Variants in LRRK2 observed in about 807,000 individuals in gnomAD.
LRRK2 encodes leucine-rich repeat serine/threonine-protein kinase 2.
A neutral mutation model predicts 302.6 loss-of-function variants in LRRK2; 203 were observed. The observed-to-expected ratio is 0.67, with a 90% CI of 0.60 to 0.75. The LOEUF is 0.75. Ranked by LOEUF, LRRK2 falls within the 30% of genes least tolerant of loss-of-function variation. The probability of loss-of-function intolerance (pLI) is 0.00; values close to 1 mark genes in which losing one functional copy is unlikely to be tolerated. For missense variants in LRRK2, 2,830 were observed against 2,951.0 expected, an observed-to-expected ratio of 0.96 and a Z score of 0.95; for synonymous variants, 1,066 against 1,031.9, an observed-to-expected ratio of 1.03 and a Z score of -0.63.
Position 40,304,049 on chromosome 12 carries a change from A to C in LRRK2, c.3692A>C (p.Gln1231Pro). Residue 1231 changes from glutamine (Q) to proline (P), a missense_variant, in exon 27 of 51, where the codon CAG (glutamine) becomes CCG (proline). By Grantham distance (76) the Gln-to-Pro change is moderately conservative. Coordinates refer to ENST00000298910, the MANE Select transcript of LRRK2 (RefSeq NM_198578.4). ...NLRELLFSHNQISILDLSEKA... is the reference protein window; with the variant it reads ...NLRELLFSHNPISILDLSEKA... ...AGGGAACTCTTATTTAGCCATAATC[A>C]GATCAGCATCTTGGACTTGAGTGAA... 6.2e-7 allele frequency: 1 copy of C among 1,613,748 alleles called. No homozygotes were observed. The highest frequency in any genetic ancestry group is 8.5e-7 in the Non-Finnish European group (1 of 1,179,730).
chr12:40,295,765 C>G, intron 23 of LRRK2, 121 bp downstream of exon 23: 1 of 907,412 alleles, frequency 1.1e-6, no homozygotes, highest in East Asian at 2.6e-5. Context: ...GGTGATAAGT[C>G]CCCCGTGCCT....
At position 40,367,802 on chromosome 12, in the gene LRRK2, T is replaced by C. The variant is rs1946925353; in HGVS notation, c.*37T>C. On this transcript the variant is annotated 3_prime_UTR_variant, in exon 51 of 51. Transcript: ENST00000298910. ...GAATTGTCTTTGGATAGGAAAATTA[T>C]TCTCTCCTCTTGTAAATATTTATTT... 2.5e-6 allele frequency: 4 copies of C among 1,580,902 alleles called. No individual in the cohort carries two copies. Among genetic ancestry groups the C allele is most frequent in the Non-Finnish European group, 3.5e-6 (4 of 1,159,388 alleles).
rs756089224 is a variant in LRRK2, at chr12:40,320,067, CA to C, written c.4915del (p.Arg1639GlyfsTer15). ...ISRRDVEKFL[S>X]KKRKFPKNYM... ...CGTAGAGATGTGGAAAAATTTCTTTCAAAAAAAAGGAAATTTCCAAAGAACT... is the reference window on the plus strand; with the variant it reads ...CGTAGAGATGTGGAAAAATTTCTTTCAAAAAAAGGAAATTTCCAAAGAACT... On this transcript the variant is annotated frameshift_variant, in exon 34 of 51. Transcript: ENST00000298910. LOFTEE classifies it high-confidence loss of function. The C allele has an allele frequency of 8.1e-6, 13 of 1,609,122 alleles. No homozygotes were observed. The South Asian group carries it at 1.3e-4, about 16-fold the overall frequency.
chr12:40,260,171 T>C (rs1942706573), intron 13 of LRRK2, among the ~76,000 whole-genome samples: 1 of 152,078 alleles, frequency 6.6e-6, no homozygotes. Flanking sequence ...TATTAAGTGC[T>C]TCTTATGTTC....
intron 19 of LRRK2, chr12:40,286,339 T>C (rs1943925509): frequency 6.6e-6 from 1 of 151,984 alleles, no homozygotes; most frequent in South Asian, 2.1e-4. Flanking sequence ...CATATTACTC[T>C]GGAAAAAGGA....
At chr12:40,306,029 C>T in intron 28 of LRRK2, 63 bp downstream of exon 28, 2 of 1,232,748 alleles carry the variant, frequency 1.6e-6, no homozygotes, top group South Asian at 2.6e-5. Context: ...CTCTCTGTGA[C>T]TTTGATGGAC....
In LRRK2 at chr12:40,364,842, G is replaced by C. The variant is rs200495404; in HGVS notation, c.7182G>C (p.Arg2394Ser). ...ATTAATGTATACTTTATGGTTCTAGGGAGGTAATGGTAAAAGAAAACAAGG... is the reference window on the plus strand; with the variant it reads ...ATTAATGTATACTTTATGGTTCTAGCGAGGTAATGGTAAAAGAAAACAAGG... ...CGLIDCVHFL[R>S]EVMVKENKES... Residue 2394 changes from arginine to serine, a missense_variant and splice_region_variant, in exon 49 of 51, where the codon AGG becomes AGC. Transcript: ENST00000298910. 1.2e-6 allele frequency: 2 copies of C among 1,603,648 alleles called. No individual in the cohort carries two copies. The highest frequency in any genetic ancestry group is 8.5e-7 in the Non-Finnish European group (1 of 1,171,508).
intron 23 of LRRK2, 126 bp downstream of exon 23, chr12:40,295,770 G>C: frequency 1.1e-6 from 1 of 876,340 alleles, no homozygotes; most frequent in Non-Finnish European, 1.8e-6. Context: ...TAAGTCCCCC[G>C]TGCCTCTGGT....
At chr12:40,317,184 AGTAAAAATTAAG>A (rs1350204573) in intron 33 of LRRK2, among the ~76,000 whole-genome samples, 1 of 152,080 alleles carries the variant, frequency 6.6e-6, no homozygotes, top group Non-Finnish European at 1.5e-5. Flanking sequence ...TGATAATTTA[AGTAAAAATTAAG>A]TTAATTTGAG....
intron 34 of LRRK2, among the ~76,000 whole-genome samples, chr12:40,320,663 T>TG (rs1483373604): frequency 2.0e-5 from 3 of 152,104 alleles, no homozygotes; most frequent in Admixed American, 2.0e-4. Context: ...GATGTTGAAA[T>TG]GTGCAAATTA....
Position 40,315,236 on chromosome 12 carries a change from C to T in LRRK2, c.4763C>T (p.Pro1588Leu), listed in dbSNP as rs201453887. The T allele has an allele frequency of 6.2e-7, 1 of 1,612,494 alleles. No homozygotes were observed. The highest frequency in any genetic ancestry group is 8.5e-7 in the Non-Finnish European group (1 of 1,178,804). ...ESGVLLHFQD[P>L]ALQLSDLYFV... ...GGAGTCCTTCTTCATTTTCAAGACCCAGCACTGCAGTTAAGTGACTTGTAC... is the reference window on the plus strand; with the variant it reads ...GGAGTCCTTCTTCATTTTCAAGACCTAGCACTGCAGTTAAGTGACTTGTAC... Residue 1588 changes from proline to leucine, a missense_variant, in exon 33 of 51, where the codon CCA becomes CTA. By Grantham distance (98) the Pro-to-Leu change is moderately conservative (BLOSUM62 -3). Around this residue, in one of 3 missense-constraint regions of LRRK2, gnomAD observed 2,121 missense variants for 2,148.0 expected, o/e 0.99. Transcript: ENST00000298910.
rs1223498710 is a variant in LRRK2 at position 40,314,067 on chromosome 12, A to G, written c.4632A>G (p.Glu1544=). The change falls in exon 32 of 51, where the codon GAA becomes GAG. Residue 1544 remains glutamate (E), a synonymous_variant. Transcript: ENST00000298910. ...ILSERKNVPI[E]FPVIDRKRLL... Reference sequence around the variant, plus strand: ...CGGAGCGTAAAAATGTGCCAATTGAATTTCCCGTAATTGACCGGAAACGAT... The same window carrying G: ...CGGAGCGTAAAAATGTGCCAATTGAGTTTCCCGTAATTGACCGGAAACGAT... 6.2e-7 allele frequency: 1 copy of G among 1,612,712 alleles called. No individual in the cohort carries two copies. Among genetic ancestry groups the G allele is most frequent in the South Asian group, 1.1e-5 (1 of 91,058 alleles).
At chr12:40,348,795 GA>G (rs1007685496) in intron 43 of LRRK2, among the ~76,000 whole-genome samples, 62 of 151,772 alleles carry the variant, frequency 4.1e-4, no homozygotes, top group Non-Finnish European at 2.9e-4. Context: ...AATCAAATCA[GA>G]AAAAAATTTT....
At chr12:40,361,448 A>T (rs1946702754) in intron 47 of LRRK2, among the ~76,000 whole-genome samples, 8 of 152,092 alleles carry the variant, frequency 5.3e-5, no homozygotes, top group Admixed American at 6.6e-5. Context: ...TGAACTCACA[A>T]CCCAGAAAGT....
chr12:40,237,957 T>C lies in LRRK2; in HGVS notation c.437-12T>C. On this transcript the variant is annotated splice_polypyrimidine_tract_variant and intron_variant, in intron 4 of 50. Coordinates refer to ENST00000298910, the MANE Select transcript of LRRK2 (RefSeq NM_198578.4). The stretch of plus-strand genomic sequence containing the variant: ...GCTCTTTACTCAGAGCATATTATTC[T>C]CTTTAAAATAGGTAAAATCACCTTG... 3 of 1,607,936 alleles carry C rather than the reference T, an allele frequency of 1.9e-6. No homozygotes were observed. Among genetic ancestry groups the C allele is most frequent in the Non-Finnish European group, 2.6e-6 (3 of 1,176,236 alleles).
At chr12:40,247,527 A>C (rs2708442) in intron 7 of LRRK2, among the ~76,000 whole-genome samples, 6 of 9,826 alleles carry the variant, frequency 6.1e-4, no homozygotes, top group Non-Finnish European at 9.0e-4. Flanking sequence ...TATACATACA[A>C]ATGTATATAA....
chr12:40,230,901 T>C (rs1941148040), intron 2 of LRRK2, among the ~76,000 whole-genome samples: 1 of 152,154 alleles, frequency 6.6e-6, no homozygotes, highest in African/African-American at 2.4e-5. Flanking sequence ...GCATCTATAA[T>C]TTCATATTTT....
rs1945221890 is a variant in LRRK2, at chr12:40,316,375, T to C, written c.4827+1075T>C. 3.1e-6 allele frequency: 3 copies of C among 980,448 alleles called. 1 individual carries two copies. The highest frequency in any genetic ancestry group is 9.4e-5 in the South Asian group (2 of 21,172). 60.7% of individuals were successfully genotyped at this position (980,448 alleles called of 1,614,324 possible). ...ATTGAAACATTGCAATCAGCAATTA[T>C]TTGCAGTGTGTCAGTTATTACTATT... On this transcript the variant is annotated intron_variant, in intron 33 of 50. Coordinates refer to ENST00000298910, the MANE Select transcript of LRRK2 (RefSeq NM_198578.4).
At chr12:40,226,004 GAGA>G (rs1288512262) in intron 2 of LRRK2, among the ~76,000 whole-genome samples, 3 of 152,184 alleles carry the variant, frequency 2.0e-5, no homozygotes, top group African/African-American at 4.8e-5. Flanking sequence ...TGTCCTAGAT[GAGA>G]AGATTATGAA....
Sources: allele counts gnomAD v4.1 joint callset (sites outside exome capture counted in the v4.1 genomes callset), GRCh38; gene constraint gnomAD v4.1.1; regional missense constraint gnomAD v4.1.1; transcripts MANE v1.5; gene names NCBI Gene and HGNC (gene_info 2026-07-23, HGNC 2026-07-21).